The following FBN3 variants were observed in gnomAD, a reference collection of about 807,000 sequenced individuals.
FBN3 encodes the protein fibrillin-3.
FBN3 carries 234 observed loss-of-function variants against 330.1 expected under a neutral mutation model. The ratio of observed to expected loss-of-function variants is 0.71; its 90% CI spans 0.64 to 0.79. The LOEUF (loss-of-function observed/expected upper bound fraction) is 0.79, where lower values mean the gene tolerates loss of function less well. Among genes scored for constraint, FBN3 ranks in the 30% least tolerant of loss-of-function variants. The pLI is 0.00. For missense variants in FBN3, 3,606 were observed against 3,886.9 expected (o/e 0.93, Z 1.92); for synonymous variants, 1,458 against 1,517.3 (o/e 0.96, Z 0.91).
chr19:8,117,584 C>T lies in FBN3; in HGVS notation c.3343G>A (p.Asp1115Asn), dbSNP rs774181301. The T allele has an allele frequency of 1.2e-5, 19 of 1,547,700 alleles. No homozygotes were observed. In the African/African-American group the frequency reaches 1.5e-4, roughly 12 times the overall value. Reference sequence around the variant, plus strand: ...AGGCCATCACTCAGGGAGCACTCATCGATGTCTGTGGGGGAGTGCAGGTGA... The same window carrying T: ...AGGCCATCACTCAGGGAGCACTCATTGATGTCTGTGGGGGAGTGCAGGTGA... Reference protein sequence around the residue: ...TAKGTACEDIDECSLSDGLCP... With the variant: ...TAKGTACEDINECSLSDGLCP... Residue 1115 changes from aspartate to asparagine, a missense_variant, in exon 27 of 64, where the codon GAT becomes AAT. By Grantham distance (23) the Asp-to-Asn change is conservative. Coordinates refer to ENST00000600128, the MANE Select transcript of FBN3 (RefSeq NM_032447.5).
Position 8,096,464 on chromosome 19 carries a change from G to A in FBN3, c.5519C>T (p.Ala1840Val), listed in dbSNP as rs143613313. The A allele has an allele frequency of 1.8e-4, 292 of 1,613,962 alleles. No homozygotes were observed. Among genetic ancestry groups the A allele is most frequent in the African/African-American group, 1.2e-3 (91 of 75,046 alleles). ...CTCACCCATGCACAGGGTCTGGTCT[G>A]CAGAGGCCTGGAATCCACGGTGACA... ...CLCHRGFQAS[A>V]DQTLCMDIDE... is the part of the protein sequence containing the mutation. The change falls in exon 44 of 64, where the codon GCA becomes GTA. Residue 1840 changes from alanine to valine, a missense_variant. By Grantham distance (64) the Ala-to-Val change is moderately conservative. Coordinates refer to ENST00000600128, the MANE Select transcript of FBN3 (RefSeq NM_032447.5). The surrounding 1 kb of genome is among the most constrained non-coding windows in gnomAD (Gnocchi z 4.6).
At chr19:8,106,277 C>A in intron 37 of FBN3, 44 bp from the exon 38 acceptor site, 2 of 1,611,946 alleles carry the variant, frequency 1.2e-6, no homozygotes, top group Non-Finnish European at 8.5e-7. Flanking sequence ...TAAACCCATG[C>A]AGAGGACTTA....
At chr19:8,085,593 A>G (rs1418764747) in intron 55 of FBN3, 24 bp from the exon 56 acceptor site, 14 of 1,510,166 alleles carry the variant, frequency 9.3e-6, no homozygotes, top group Non-Finnish European at 1.2e-5. Flanking sequence ...TGGGAAAGAC[A>G]ACGGTCACTC....
At position 8,131,578 on chromosome 19, in the gene FBN3, G is replaced by A; in HGVS notation, c.1966C>T (p.Gln656Ter). 2 of 1,611,294 alleles carry A rather than the reference G, an allele frequency of 1.2e-6. No individual in the cohort carries two copies. The highest frequency in any genetic ancestry group is 1.7e-6 in the Non-Finnish European group (2 of 1,177,978). ...NPDHGFGEPC[Q>*]LCPAKDSAEF... ...CCGGAGTCTTTGGCAGGACAAAGCTGGCAGGGCTCCCCAAAACCGTGGTCC... is the reference window on the plus strand; with the variant it reads ...CCGGAGTCTTTGGCAGGACAAAGCTAGCAGGGCTCCCCAAAACCGTGGTCC... Residue 656 changes from glutamine (Q) to a stop codon, truncating the protein, a stop_gained, in exon 15 of 64, where the codon CAG (glutamine) becomes TAG (stop). Coordinates refer to ENST00000600128, the MANE Select transcript of FBN3 (RefSeq NM_032447.5). LOFTEE classifies it high-confidence loss of function. This position sits in a 1 kb window ranked among gnomAD's most constrained non-coding sequence, Gnocchi z 4.5.
At position 8,074,870 on chromosome 19, in the gene FBN3, T is replaced by A. The variant is rs571168222; in HGVS notation, c.7702+201A>T. ...CTCCAGGCCACCATGCCCTAAGGAA[T>A]GAACTCAGACACTTTTTGATGCTTA... On this transcript the variant is annotated intron_variant, in intron 61 of 63. Transcript: ENST00000600128. The A allele has an allele frequency of 7.2e-5, 43 of 596,460 alleles. No individual in the cohort carries two copies. The South Asian group carries it at 1.3e-3, about 17-fold the overall frequency. The allele number at this position is 596,460 out of a possible 1,614,324, so 36.9% of individuals were successfully genotyped here.
chr19:8,115,723 A>C, intron 29 of FBN3, 83 bp from the exon 30 acceptor site: 1 of 1,511,188 alleles, frequency 6.6e-7, no homozygotes, highest in Non-Finnish European at 9.1e-7. Context: ...GAGGGAGATC[A>C]CCAGCATTCC....
intron 18 of FBN3, among the ~76,000 whole-genome samples, chr19:8,127,055 T>TG (rs1555748563): frequency 3.6e-5 from 4 of 110,872 alleles, no homozygotes; most frequent in Admixed American, 3.0e-4. Context: ...ACTGTTTTTT[T>TG]TTTGTTTTTT....
Position 8,072,092 on chromosome 19 carries a change from A to G in FBN3, c.8044T>C (p.Ser2682Pro), listed in dbSNP as rs1238453536. ...ACYECKINGL[S>P]PRDRPRRSAH... ...CTGCGTCGTGGCCGGTCCCGAGGGGAGAGGCCATTGATCTTGCATTCGTAG... is the reference window on the plus strand; with the variant it reads ...CTGCGTCGTGGCCGGTCCCGAGGGGGGAGGCCATTGATCTTGCATTCGTAG... The change falls in exon 63 of 64, where the codon TCC becomes CCC. Residue 2682 changes from serine to proline, a missense_variant. Coordinates refer to ENST00000600128, the MANE Select transcript of FBN3 (RefSeq NM_032447.5). 1 of 1,612,360 alleles carries G rather than the reference A, an allele frequency of 6.2e-7. No homozygotes were observed. Among genetic ancestry groups the G allele is most frequent in the East Asian group, 2.2e-5 (1 of 44,756 alleles).
At position 8,109,415 on chromosome 19, in the gene FBN3, T is replaced by G; in HGVS notation, c.4457-27A>C. On this transcript the variant is annotated intron_variant, in intron 35 of 63. Transcript: ENST00000600128. This position sits in a 1 kb window ranked among gnomAD's most constrained non-coding sequence, Gnocchi z 5.2. Reference sequence around the variant, plus strand: ...TGAACAGGCAGAAGGGGATGGTTAGTAGGTGTCAGAGGGAAAGCTGTATGT... The same window carrying G: ...TGAACAGGCAGAAGGGGATGGTTAGGAGGTGTCAGAGGGAAAGCTGTATGT... The G allele has an allele frequency of 6.2e-7, 1 of 1,613,664 alleles. No homozygotes were observed. The highest frequency in any genetic ancestry group is 1.1e-5 in the South Asian group (1 of 91,032).
At chr19:8,069,519 G>A (rs2081466456) in intron 63 of FBN3, among the ~76,000 whole-genome samples, 1 of 152,110 alleles carries the variant, frequency 6.6e-6, no homozygotes, top group Non-Finnish European at 1.5e-5. Context: ...TTCTTCCCAC[G>A]GAATGTTGTT....
rs777258686 is a variant in FBN3 at position 8,075,249 on chromosome 19, C to T, written c.7582+34G>A. On this transcript the variant is annotated intron_variant, in intron 60 of 63. Transcript: ENST00000600128. Reference sequence around the variant, plus strand: ...AGACGGCTCTCAGGACCAACACCCCCAAACACTAGACCCCAGCCAAAGCTG... The same window carrying T: ...AGACGGCTCTCAGGACCAACACCCCTAAACACTAGACCCCAGCCAAAGCTG... The T allele has an allele frequency of 6.3e-6, 10 of 1,592,826 alleles. No homozygotes were observed. The East Asian group carries it at 2.0e-4, about 32-fold the overall frequency.
chr19:8,066,132 G>A lies in FBN3; in HGVS notation c.8217C>T (p.Tyr2739=), dbSNP rs770811627. The change falls in exon 64 of 64, where the codon TAC becomes TAT. Residue 2739 remains tyrosine (Y), a synonymous_variant. Coordinates refer to ENST00000600128, the MANE Select transcript of FBN3 (RefSeq NM_032447.5). ...ALEGLEGRIR[Y]VIVRGNEQGF... is the part of the protein sequence containing the mutation. ...CTTGCTCGTTTCCGCGGACGATGAC[G>A]TAGCGGATCCGGCCCTCTAGACCCT... is the stretch of plus-strand genomic sequence containing the variant. 1.3e-5 allele frequency: 21 copies of A among 1,613,422 alleles called. No individual in the cohort carries two copies. Among genetic ancestry groups the A allele is most frequent in the East Asian group, 4.5e-5 (2 of 44,890 alleles).
intron 55 of FBN3, 119 bp downstream of exon 55, chr19:8,086,081 T>TGGG: frequency 3.6e-6 from 1 of 278,456 alleles, no homozygotes; most frequent in East Asian, 9.2e-5. Context: ...GAACAGGCAG[T>TGGG]GGGAGGGACA....
chr19:8,135,506 G>GACCTCAGGTGATCCACCC (rs201789523), intron 13 of FBN3, among the ~76,000 whole-genome samples: 89,892 of 150,346 alleles, frequency 0.6, 29,159 homozygotes, highest in African/African-American at 0.86. Context: ...TCGAACTCCT[G>GACCTCAGGTGATCCACCC]ACCTCGGCCT....
rs772180294 is a variant in FBN3 at position 8,123,961 on chromosome 19, C to A, written c.2779G>T (p.Gly927Trp). The A allele has an allele frequency of 3.1e-6, 5 of 1,614,044 alleles. No homozygotes were observed. The highest frequency in any genetic ancestry group is 4.2e-6 in the Non-Finnish European group (5 of 1,180,046). ...CFLRWDEDEC[G>W]VTLPGKYRMD... ...CGGTACTTGCCAGGCAGGGTGACCC[C>A]ACACTCATCCTCATCCCATCGCAGG... Residue 927 changes from glycine (G) to tryptophan (W), a missense_variant, in exon 23 of 64, where the codon GGG becomes TGG. Gly to Trp is a radical substitution (Grantham distance 184, BLOSUM62 -2). Transcript: ENST00000600128.
intron 63 of FBN3, among the ~76,000 whole-genome samples, chr19:8,071,107 G>A (rs1236636100): frequency 6.6e-6 from 1 of 152,114 alleles, no homozygotes; most frequent in African/African-American, 2.4e-5. Flanking sequence ...AGCACTTGGA[G>A]TGATACCTGC....
In FBN3 at chr19:8,085,423, C is replaced by T. The variant is rs199804380; in HGVS notation, c.7027G>A (p.Gly2343Ser). 73 of 1,576,732 alleles carry T rather than the reference C, an allele frequency of 4.6e-5. No homozygotes were observed. In the Middle Eastern group the frequency reaches 9.2e-4, roughly 20 times the overall value. Reference sequence around the variant, plus strand: ...CACAGCTTCCTGTAGGCAGAGGTGCCGGGCAGGGGACAGAGCTCGCAGCGG... The same window carrying T: ...CACAGCTTCCTGTAGGCAGAGGTGCTGGGCAGGGGACAGAGCTCGCAGCGG... ...GPRCELCPLP[G>S]TSAYRKLCPH... The change falls in exon 56 of 64, where the codon GGC (glycine) becomes AGC (serine). Residue 2343 changes from glycine to serine, a missense_variant. Physicochemically the swap from Gly to Ser is moderately conservative, Grantham distance 56 (BLOSUM62 0). Transcript: ENST00000600128.
intron 41 of FBN3, among the ~76,000 whole-genome samples, chr19:8,100,085 A>G (rs978619126): frequency 1.3e-5 from 2 of 151,940 alleles, no homozygotes; most frequent in African/African-American, 4.8e-5. Context: ...CATCATGTTC[A>G]GTGAAATAAG....
chr19:8,147,758 A>C, intron 1 of FBN3: 1 of 356,702 alleles, frequency 2.8e-6, no homozygotes, highest in Non-Finnish European at 5.0e-6. Flanking sequence ...AAGGGAGGGG[A>C]GAGAGGGCCA....
Sources: gnomAD v4.1 joint callset for allele counts (sites outside exome capture counted in the v4.1 genomes callset) on GRCh38, gnomAD v4.1.1 for gene constraint, Gnocchi (gnomAD v3.1) non-coding constraint, MANE v1.5 for transcripts, NCBI Gene and HGNC (gene_info 2026-07-23, HGNC 2026-07-21) for gene names.